The following PUDP variants were observed in gnomAD, a reference collection of about 807,000 sequenced individuals.
PUDP encodes pseudouridine-5'-phosphatase.
In PUDP, 8 loss-of-function variants were observed where a neutral mutation model predicts 9.4. The observed-to-expected ratio is 0.85, with a 90% confidence interval of 0.50 to 1.53. The LOEUF is 1.53. Among genes scored for constraint, PUDP ranks in the 40% most tolerant of loss-of-function variants. The probability of loss-of-function intolerance (pLI) is 0.00; values close to 1 mark genes in which losing one functional copy is unlikely to be tolerated. For synonymous variants in PUDP, 99 were observed against 80.7 expected, an observed-to-expected ratio of 1.23 and a Z score of -1.22; for missense variants, 188 against 189.7, an observed-to-expected ratio of 0.99 and a Z score of 0.05.
intron 1 of PUDP, among the ~76,000 whole-genome samples, chrX:7,010,675 T>C (rs1171819183): frequency 1.8e-5 from 2 of 111,724 alleles, no homozygotes; most frequent in Non-Finnish European, 3.8e-5. Context: ...AAGATACCCA[T>C]GCTGAATCCC....
At chrX:6,866,743 G>A (rs1927092911) in intron 3 of PUDP, among the ~76,000 whole-genome samples, 1 of 112,306 alleles carries the variant, frequency 8.9e-6, no homozygotes, top group African/African-American at 3.2e-5. Flanking sequence ...ACGACTGTGT[G>A]TGAGAACATT....
intron 1 of PUDP, among the ~76,000 whole-genome samples, chrX:7,126,470 C>T (rs776802098): frequency 8.9e-6 from 1 of 111,950 alleles, no homozygotes; most frequent in Admixed American, 9.5e-5. Context: ...CAAAATAACA[C>T]AAAATGGGTG....
chrX:6,968,539 T>C (rs1485313236), intron 3 of PUDP, among the ~76,000 whole-genome samples: 1 of 111,328 alleles, frequency 9.0e-6, no homozygotes, highest in Admixed American at 9.6e-5. Flanking sequence ...GCGGGAGAGT[T>C]TGGTGTCACC....
At chrX:7,104,620 C>A (rs1289894592) in intron 2 of PUDP, among the ~76,000 whole-genome samples, 1 of 111,693 alleles carries the variant, frequency 9.0e-6, no homozygotes, top group Non-Finnish European at 1.9e-5. Context: ...CAAGACTTAT[C>A]AAGGTAACTT....
intron 3 of PUDP, among the ~76,000 whole-genome samples, chrX:6,964,935 A>T (rs1928760772): frequency 1.8e-5 from 2 of 111,925 alleles, no homozygotes; most frequent in African/African-American, 6.5e-5. Context: ...GGAAACAGTG[A>T]TATCTACTTA....
intron 3 of PUDP, among the ~76,000 whole-genome samples, chrX:6,824,943 T>C (rs62590409): frequency 0.058 from 6,507 of 112,101 alleles, 158 homozygotes; most frequent in South Asian, 0.075. Flanking sequence ...TGTTGTTTAC[T>C]GCAATTAAGG....
rs768831530 is a variant in PUDP, at chrX:6,766,948, T to C, written c.*248-60482A>G. Among the ~76,000 whole-genome samples the C allele has an allele frequency of 2.1e-3, 237 of 112,501 alleles. 1 individual carries two copies. The highest frequency in any genetic ancestry group is 3.9e-3 in the Non-Finnish European group (206 of 53,280). ...AAAAGAATAAAGCTACCAGCAACAA[T>C]AGCAACCCAAAAAGGACCTTTAATG... is the stretch of plus-strand genomic sequence containing the variant. On this transcript the variant is annotated intron_variant and NMD_transcript_variant, in intron 3 of 3. Coordinates refer to the PUDP transcript ENST00000655425.
intron 1 of PUDP, among the ~76,000 whole-genome samples, chrX:7,041,245 T>C (rs1227313561): frequency 9.0e-6 from 1 of 111,613 alleles, no homozygotes; most frequent in East Asian, 2.8e-4. Flanking sequence ...TTTCAAATGC[T>C]GAAGTCATAG....
chrX:7,109,049 T>C (rs1294707500), intron 1 of PUDP, among the ~76,000 whole-genome samples: 1 of 111,597 alleles, frequency 9.0e-6, no homozygotes, highest in Non-Finnish European at 1.9e-5. Context: ...ACAACCTGAG[T>C]AACTCAAGGC....
At chrX:6,797,185 G>A (rs1233665529) in intron 3 of PUDP, among the ~76,000 whole-genome samples, 1 of 111,596 alleles carries the variant, frequency 9.0e-6, no homozygotes, top group African/African-American at 3.3e-5. Context: ...ATCAAATTAT[G>A]GAAGAAAATC....
chrX:6,784,534 T>A (rs2146685631), intron 3 of PUDP, among the ~76,000 whole-genome samples: 1 of 111,631 alleles, frequency 9.0e-6, no homozygotes, highest in East Asian at 2.8e-4. Context: ...ATTGGCACCA[T>A]CAGCAATCTT....
intron 1 of PUDP, among the ~76,000 whole-genome samples, chrX:7,006,930 C>G (rs918935759): frequency 1.1e-4 from 12 of 111,502 alleles, no homozygotes; most frequent in African/African-American, 3.9e-4. Flanking sequence ...CAAGAAGACA[C>G]TAGGTCCAGA....
At chrX:6,763,065 G>A (rs1408822945) in intron 3 of PUDP, among the ~76,000 whole-genome samples, 2 of 112,382 alleles carry the variant, frequency 1.8e-5, no homozygotes, top group Non-Finnish European at 3.8e-5. Flanking sequence ...GCTTTTACAT[G>A]TTGAAATAGC....
chrX:6,806,748 G>C (rs955742228), intron 3 of PUDP, among the ~76,000 whole-genome samples: 1 of 112,314 alleles, frequency 8.9e-6, no homozygotes, highest in Non-Finnish European at 1.9e-5. Flanking sequence ...TTTCCTGAGA[G>C]AGAACATGCA....
intron 3 of PUDP, among the ~76,000 whole-genome samples, chrX:6,862,942 C>G (rs1170583624): frequency 8.9e-6 from 1 of 111,799 alleles, no homozygotes; most frequent in Non-Finnish European, 1.9e-5. Flanking sequence ...TTCCCGTAAC[C>G]TCATTTTAAA....
At chrX:6,951,548 C>A (rs112762255) in intron 3 of PUDP, among the ~76,000 whole-genome samples, 1,422 of 111,650 alleles carry the variant, frequency 0.013, 16 homozygotes, top group African/African-American at 0.041. Context: ...TGGTCACATT[C>A]CCCATGGCCT....
intron 3 of PUDP, among the ~76,000 whole-genome samples, chrX:6,760,416 G>A (rs950387980): frequency 2.7e-5 from 3 of 112,076 alleles, no homozygotes; most frequent in Non-Finnish European, 5.6e-5. Flanking sequence ...CCAAAAAGCT[G>A]GTGAAGATAT....
At chrX:6,991,854 A>T (rs888450725) in intron 1 of PUDP, among the ~76,000 whole-genome samples, 2 of 111,206 alleles carry the variant, frequency 1.8e-5, no homozygotes, top group Non-Finnish European at 3.8e-5. Context: ...ATTTTTAAAG[A>T]AAAACAGGAA....
At chrX:6,955,246 A>C (rs1202832810) in intron 3 of PUDP, among the ~76,000 whole-genome samples, 2 of 106,820 alleles carry the variant, frequency 1.9e-5, no homozygotes, top group African/African-American at 6.9e-5. Flanking sequence ...TTAGAGACAT[A>C]GTCTTCCTCT....
Sources: allele counts gnomAD v4.1 joint callset (sites outside exome capture counted in the v4.1 genomes callset), GRCh38; gene constraint gnomAD v4.1.1; transcripts MANE v1.5; gene names NCBI Gene and HGNC (gene_info 2026-07-23, HGNC 2026-07-21).